The following DCK variants were observed in gnomAD, a reference collection of about 807,000 sequenced individuals.
DCK encodes the protein deoxycytidine kinase.
A neutral mutation model predicts 38.3 loss-of-function variants in DCK; 23 were observed. The observed-to-expected ratio is 0.60, with a 90% CI of 0.43 to 0.85. The LOEUF is 0.85. Among genes scored for constraint, DCK ranks in the 40% least tolerant of loss-of-function variants. The pLI is 0.00. For missense variants in DCK, 259 were observed against 304.4 expected, an observed-to-expected ratio of 0.85 and a Z score of 1.11; for synonymous variants, 108 against 100.6, an observed-to-expected ratio of 1.07 and a Z score of -0.44.
chr4:71,025,981 T>A, intron 5 of DCK, 50 bp downstream of exon 5: 1 of 1,459,184 alleles, frequency 6.9e-7, no homozygotes, highest in Non-Finnish European at 9.0e-7. Flanking sequence ...TTGTTACCTT[T>A]GTTAAATTTT....
intron 4 of DCK, among the ~76,000 whole-genome samples, chr4:71,025,096 G>A (rs1187705859): frequency 6.6e-6 from 1 of 152,040 alleles, no homozygotes; most frequent in Non-Finnish European, 1.5e-5. Context: ...TTCTTGGAAT[G>A]CATGAAGAGT....
At chr4:71,008,912 A>T (rs1740020355) in intron 2 of DCK, among the ~76,000 whole-genome samples, 1 of 152,252 alleles carries the variant, frequency 6.6e-6, no homozygotes, top group African/African-American at 2.4e-5. Flanking sequence ...TGAGAGCTAA[A>T]CAGTTTGAAC....
At chr4:71,001,426 A>G (rs574246431) in intron 2 of DCK, among the ~76,000 whole-genome samples, 1 of 152,314 alleles carries the variant, frequency 6.6e-6, no homozygotes, top group South Asian at 2.1e-4. Context: ...GATGTTCATC[A>G]GGGATATTGG....
intron 2 of DCK, among the ~76,000 whole-genome samples, chr4:71,021,048 G>A (rs1486955337): frequency 6.7e-6 from 1 of 149,024 alleles, no homozygotes; most frequent in Non-Finnish European, 1.5e-5. Flanking sequence ...AATAATTCAT[G>A]TGTTCCAGAT....
intron 6 of DCK, chr4:71,028,769 T>TA (rs1423372966): frequency 3.1e-6 from 1 of 321,456 alleles, no homozygotes; most frequent in South Asian, 2.4e-5. Context: ...ATTTTTTTTT[T>TA]TTTTTGAGAC....
chr4:71,001,895 A>G (rs945018932), intron 2 of DCK, among the ~76,000 whole-genome samples: 8 of 152,032 alleles, frequency 5.3e-5, no homozygotes, highest in African/African-American at 1.9e-4. Context: ...TGGTCTATCT[A>G]TTTTGTTAAT....
chr4:71,008,118 A>T (rs1180536046), intron 2 of DCK, among the ~76,000 whole-genome samples: 1 of 152,154 alleles, frequency 6.6e-6, no homozygotes, highest in African/African-American at 2.4e-5. Context: ...TGCTTATGTA[A>T]ACAGCATTGC....
chr4:70,999,090 T>C (rs1739727444), intron 2 of DCK, among the ~76,000 whole-genome samples: 1 of 152,192 alleles, frequency 6.6e-6, no homozygotes, highest in Non-Finnish European at 1.5e-5. Flanking sequence ...TATGTAGATA[T>C]ACACATGCCA....
At chr4:70,999,198 G>A (rs995802105) in intron 2 of DCK, among the ~76,000 whole-genome samples, 1 of 152,018 alleles carries the variant, frequency 6.6e-6, no homozygotes, top group Non-Finnish European at 1.5e-5. Flanking sequence ...AGGCCCTGGT[G>A]TGTGATGTTC....
Position 71,023,703 on chromosome 4 carries a change from A to C in DCK, c.546A>C (p.Pro182=). Residue 182 remains proline (P), a synonymous_variant, in exon 4 of 7, where the codon CCA becomes CCC. Coordinates refer to ENST00000286648, the MANE Select transcript of DCK (RefSeq NM_000788.3). ...LDGIIYLQAT[P]ETCLHRIYLR... ...GAATCATTTATCTTCAAGCCACTCC[A>C]GAGGTAAAACCCAATAAAAATGTGT... The C allele has an allele frequency of 6.2e-7, 1 of 1,606,560 alleles. No individual in the cohort carries two copies.
At position 70,996,367 on chromosome 4, in the gene DCK, G is replaced by GA. The variant is rs374338862; in HGVS notation, c.92-1691dup. On this transcript the variant is annotated intron_variant, in intron 1 of 6. Transcript: ENST00000286648. ...TACAGAGTGAGACCCTGTGTCTAAA[G>GA]AAAAAAAAATTAAATTTGTTGCTAA... Among the ~76,000 whole-genome samples, 214 of 151,536 alleles carry GA rather than the reference G, an allele frequency of 1.4e-3. 3 individuals carry two copies. The highest frequency in any genetic ancestry group is 7.7e-3 in the East Asian group (40 of 5,166).
chr4:71,008,930 G>A (rs1179266390), intron 2 of DCK, among the ~76,000 whole-genome samples: 2 of 152,204 alleles, frequency 1.3e-5, no homozygotes, highest in African/African-American at 4.8e-5. Flanking sequence ...AACACATGGA[G>A]ATAGAGTGTG....
intron 2 of DCK, among the ~76,000 whole-genome samples, chr4:71,002,312 T>C (rs1739826220): frequency 6.6e-6 from 1 of 152,244 alleles, no homozygotes; most frequent in African/African-American, 2.4e-5. Context: ...TCTAATTTGA[T>C]TGCACTGTGG....
chr4:71,026,814 G>T, intron 6 of DCK, 59 bp downstream of exon 6: 2 of 796,032 alleles, frequency 2.5e-6, no homozygotes, highest in South Asian at 1.6e-5. Flanking sequence ...GTACTGAGTG[G>T]TGAGAAAACA....
chr4:71,027,551 T>C (rs989327793), intron 6 of DCK, among the ~76,000 whole-genome samples: 1 of 152,148 alleles, frequency 6.6e-6, no homozygotes, highest in Admixed American at 6.5e-5. Context: ...GAAAGCACAA[T>C]TTGGTTTAGT....
At chr4:70,997,694 G>GTT (rs1739691521) in intron 1 of DCK, among the ~76,000 whole-genome samples, 2 of 152,150 alleles carry the variant, frequency 1.3e-5, no homozygotes, top group African/African-American at 2.4e-5. Flanking sequence ...CTGTGTGTGT[G>GTT]TGCACGCACA....
intron 4 of DCK, among the ~76,000 whole-genome samples, chr4:71,025,194 C>A (rs1253989218): frequency 6.6e-6 from 1 of 151,914 alleles, no homozygotes; most frequent in Non-Finnish European, 1.5e-5. Flanking sequence ...GCTGCACTGT[C>A]CAATGTGGCT....
intron 2 of DCK, among the ~76,000 whole-genome samples, chr4:71,018,737 T>C (rs1740337639): frequency 6.8e-6 from 1 of 146,920 alleles, no homozygotes. Context: ...AGTGGCACAA[T>C]CTTGGCTCAC....
chr4:71,011,262 G>A lies in DCK; in HGVS notation c.208-11105G>A, dbSNP rs1740082785. Among the ~76,000 whole-genome samples the A allele has an allele frequency of 4.7e-5, 7 of 147,692 alleles. No homozygotes were observed. In the South Asian group the frequency reaches 1.3e-3, roughly 27 times the overall value. On this transcript the variant is annotated intron_variant, in intron 2 of 6. Transcript: ENST00000286648. ...TTTTTTTTTTTTTTTTTTTTAAGACGGAGTCTTGCTCTGTCCCTTAGTAAG... is the reference window on the plus strand; with the variant it reads ...TTTTTTTTTTTTTTTTTTTTAAGACAGAGTCTTGCTCTGTCCCTTAGTAAG...
Sources: gnomAD v4.1 joint callset for allele counts (sites outside exome capture counted in the v4.1 genomes callset) on GRCh38, gnomAD v4.1.1 for gene constraint, MANE v1.5 for transcripts, NCBI Gene and HGNC (gene_info 2026-07-23, HGNC 2026-07-21) for gene names.